The following CACNA1E variants were observed in gnomAD, a reference collection of about 807,000 sequenced individuals.
CACNA1E encodes the protein calcium voltage-gated channel subunit alpha1 E.
A neutral mutation model predicts 259.2 loss-of-function variants in CACNA1E; 40 were observed. The ratio of observed to expected loss-of-function variants is 0.15; its 90% CI spans 0.12 to 0.20. The LOEUF is 0.20. CACNA1E is among the 10% of genes least tolerant of loss of function. The pLI is 1.00. For synonymous variants in CACNA1E, 1,104 were observed against 1,138.5 expected (o/e 0.97, Z 0.61); for missense variants, 1,874 against 3,040.1 (o/e 0.62, Z 9.02).
intron 1 of CACNA1E, among the ~76,000 whole-genome samples, chr1:181,328,616 T>G (rs539239094): frequency 2.6e-5 from 4 of 152,230 alleles, no homozygotes; most frequent in African/African-American, 9.6e-5. Flanking sequence ...CTCTGAGAAG[T>G]AGCCACCAAG....
chr1:181,777,012 T>C (rs1434659053), intron 38 of CACNA1E, among the ~76,000 whole-genome samples: 1 of 152,218 alleles, frequency 6.6e-6, no homozygotes, highest in East Asian at 1.9e-4. Context: ...GATGGTATGG[T>C]CCTCAAATTT....
At chr1:181,481,026 C>A (rs146377686), upstream of CACNA1E, among the ~76,000 whole-genome samples, 1 of 152,222 alleles carries the variant, frequency 6.6e-6, no homozygotes, top group African/African-American at 2.4e-5. Flanking sequence ...TACAGGGATA[C>A]CGAGATAGCC....
chr1:181,694,424 C>G (rs547180461), intron 7 of CACNA1E, among the ~76,000 whole-genome samples: 2 of 152,276 alleles, frequency 1.3e-5, no homozygotes, highest in African/African-American at 4.8e-5. Flanking sequence ...CCCAGTGCAA[C>G]AGAGTTGAGA....
intron 3 of CACNA1E, among the ~76,000 whole-genome samples, chr1:181,575,870 C>T (rs1650919356): frequency 6.6e-6 from 1 of 152,198 alleles, no homozygotes; most frequent in African/African-American, 2.4e-5. Context: ...TCTCTATCTC[C>T]ACACCTATCC....
chr1:181,631,900 C>T (rs962774454), intron 6 of CACNA1E, among the ~76,000 whole-genome samples: 3 of 152,090 alleles, frequency 2.0e-5, no homozygotes, highest in Non-Finnish European at 4.4e-5. Flanking sequence ...CTCCATAAGC[C>T]CAGGGAGATC....
intron 39 of CACNA1E, among the ~76,000 whole-genome samples, chr1:181,782,666 CCTG>C (rs1273383322): frequency 6.6e-6 from 1 of 152,192 alleles, no homozygotes; most frequent in Admixed American, 6.5e-5. Context: ...AGGACGTTCT[CCTG>C]CTGCTACCTC....
chr1:181,584,535 G>A (rs1392535151), intron 6 of CACNA1E, among the ~76,000 whole-genome samples: 1 of 152,178 alleles, frequency 6.6e-6, no homozygotes, highest in East Asian at 1.9e-4. Context: ...CCTTTTCACA[G>A]CTGCATATAG....
intron 3 of CACNA1E, among the ~76,000 whole-genome samples, chr1:181,526,797 A>G (rs1258254134): frequency 6.6e-6 from 1 of 152,198 alleles, no homozygotes. Context: ...TTACTGGGAA[A>G]TGAAGGATTT....
intron 14 of CACNA1E, among the ~76,000 whole-genome samples, 200 bp downstream of exon 14, chr1:181,720,537 C>T (rs959492355): frequency 7.9e-5 from 12 of 152,100 alleles, no homozygotes; most frequent in African/African-American, 2.4e-4. Context: ...GTTCTCATTC[C>T]GGGGACCCAT....
chr1:181,374,615 A>G lies in CACNA1E; in HGVS notation c.-14-38518A>G, dbSNP rs556237422. ...ACAGCTGGGACTGTAGGTATGTACC[A>G]TCATGCCTGGCTAATTAAAAAAATT... On this transcript the variant is annotated intron_variant, in intron 1 of 11. Transcript: ENST00000524607. Among the ~76,000 whole-genome samples, 13 of 151,916 alleles carry G rather than the reference A, an allele frequency of 8.6e-5. No individual in the cohort carries two copies. In the East Asian group the frequency reaches 1.9e-3, roughly 23 times the overall value.
At chr1:181,568,683 T>A (rs1650093443) in intron 3 of CACNA1E, among the ~76,000 whole-genome samples, 1 of 152,082 alleles carries the variant, frequency 6.6e-6, no homozygotes. Flanking sequence ...GCAGCCTCTA[T>A]CTCCTGGGGT....
chr1:181,487,885 G>A (rs1047473126), intron 1 of CACNA1E, among the ~76,000 whole-genome samples: 12 of 152,176 alleles, frequency 7.9e-5, no homozygotes, highest in South Asian at 2.1e-4. Flanking sequence ...CACCTCCATC[G>A]CCTTGGTTGT....
intron 45 of CACNA1E, among the ~76,000 whole-genome samples, chr1:181,794,597 A>G (rs1390501376): frequency 5.3e-5 from 8 of 152,240 alleles, no homozygotes; most frequent in Non-Finnish European, 1.2e-4. Flanking sequence ...TCCTGCCTGC[A>G]TTCCGCATGG....
intron 1 of CACNA1E, among the ~76,000 whole-genome samples, chr1:181,502,456 A>T (rs539941659): frequency 6.6e-6 from 1 of 152,174 alleles, no homozygotes; most frequent in South Asian, 2.1e-4. Context: ...GTGAGTGCAA[A>T]GAAGTCCAGA....
intron 7 of CACNA1E, among the ~76,000 whole-genome samples, chr1:181,700,176 G>A (rs1267640064): frequency 1.3e-5 from 2 of 152,106 alleles, no homozygotes; most frequent in Non-Finnish European, 2.9e-5. Flanking sequence ...AAGAGTGGGT[G>A]TCATGGAAGC....
chr1:181,404,594 A>G (rs779692179), intron 1 of CACNA1E, among the ~76,000 whole-genome samples: 1 of 152,226 alleles, frequency 6.6e-6, no homozygotes, highest in African/African-American at 2.4e-5. Context: ...TGGAATGAAG[A>G]AAAGATCCTA....
intron 3 of CACNA1E, among the ~76,000 whole-genome samples, chr1:181,525,181 C>T (rs954460857): frequency 6.6e-6 from 1 of 152,232 alleles, no homozygotes; most frequent in Non-Finnish European, 1.5e-5. Flanking sequence ...CTACTCTGTG[C>T]AATCAGCTTT....
chr1:181,473,095 C>T (rs2102419077), intron 2 of CACNA1E, among the ~76,000 whole-genome samples: 1 of 152,290 alleles, frequency 6.6e-6, no homozygotes, highest in East Asian at 1.9e-4. Flanking sequence ...AACAGTGCTA[C>T]CCTTTGATTT....
At chr1:181,558,738 G>A (rs543827086) in intron 3 of CACNA1E, among the ~76,000 whole-genome samples, 1 of 152,324 alleles carries the variant, frequency 6.6e-6, no homozygotes, top group East Asian at 1.9e-4. Flanking sequence ...TAAATGAGAA[G>A]CTATAAGCCA....
Sources: gnomAD v4.1 joint callset for allele counts (sites outside exome capture counted in the v4.1 genomes callset) on GRCh38, gnomAD v4.1.1 for gene constraint, MANE v1.5 for transcripts, NCBI Gene and HGNC (gene_info 2026-07-23, HGNC 2026-07-21) for gene names.